Variants in TMEM45A observed in about 807,000 individuals in gnomAD.
TMEM45A encodes DNA polymerase-transactivated protein 4.
A neutral mutation model predicts 32.0 loss-of-function variants in TMEM45A; 25 were observed. That is an observed-to-expected ratio of 0.78 (90% CI 0.57 to 1.09). The LOEUF (loss-of-function observed/expected upper bound fraction) is 1.09. Ranked by LOEUF, TMEM45A falls within the 50% of genes least tolerant of loss-of-function variation. The pLI, the probability that TMEM45A is intolerant of heterozygous loss-of-function variation, is 0.00. For missense variants in TMEM45A, 302 were observed against 325.0 expected (o/e 0.93, Z 0.54); for synonymous variants, 122 against 114.8 (o/e 1.06, Z -0.40).
chr3:100,552,710 C>T (rs2148978715), intron 1 of TMEM45A, among the ~76,000 whole-genome samples: 1 of 152,232 alleles, frequency 6.6e-6, no homozygotes, highest in East Asian at 1.9e-4. Context: ...TTTGAGACAT[C>T]AGAGTAGAGA....
chr3:100,568,691 G>A (rs1706493647), intron 4 of TMEM45A, 131 bp from the exon 5 acceptor site: 2 of 779,572 alleles, frequency 2.6e-6, no homozygotes, highest in Admixed American at 5.9e-5. Flanking sequence ...AAAACCTGAT[G>A]TTTTATCTGT....
chr3:100,515,631 TA>T (rs78493832), intron 1 of TMEM45A, among the ~76,000 whole-genome samples: 38,715 of 134,714 alleles, frequency 0.29, 4,993 homozygotes, highest in Middle Eastern at 0.39. Context: ...AGTATAATAA[TA>T]AAAAAAAAAA....
chr3:100,544,175 G>A (rs979975801), intron 1 of TMEM45A, among the ~76,000 whole-genome samples: 3 of 151,996 alleles, frequency 2.0e-5, no homozygotes, highest in African/African-American at 7.2e-5. Flanking sequence ...GATATGCAGG[G>A]ATGGAGTGGT....
At chr3:100,501,033 A>G (rs1708001861) in intron 1 of TMEM45A, among the ~76,000 whole-genome samples, 1 of 152,246 alleles carries the variant, frequency 6.6e-6, no homozygotes, top group South Asian at 2.1e-4. Flanking sequence ...CACCTACACA[A>G]TATTTTATTA....
At chr3:100,547,682 A>T (rs1013723679) in intron 1 of TMEM45A, among the ~76,000 whole-genome samples, 11 of 152,056 alleles carry the variant, frequency 7.2e-5, no homozygotes, top group Non-Finnish European at 1.2e-4. Flanking sequence ...GTTCAAGCCC[A>T]TATTGTTCAT....
chr3:100,564,905 C>T (rs751694437), intron 4 of TMEM45A, among the ~76,000 whole-genome samples: 1 of 152,184 alleles, frequency 6.6e-6, no homozygotes, highest in Non-Finnish European at 1.5e-5. Flanking sequence ...CCTCGTGGGA[C>T]CACCTTCCAT....
chr3:100,573,432 G>A (rs541259879), intron 5 of TMEM45A: 21 of 152,256 alleles, frequency 1.4e-4, no homozygotes, highest in African/African-American at 3.6e-4. Flanking sequence ...GAATGCTTGC[G>A]ATTTTTGTAC....
At chr3:100,500,294 C>G (rs1218029893) in intron 1 of TMEM45A, among the ~76,000 whole-genome samples, 2 of 152,242 alleles carry the variant, frequency 1.3e-5, no homozygotes, top group Admixed American at 6.5e-5. Flanking sequence ...ACATCTCAGT[C>G]TGTCCACTGA....
chr3:100,493,121 T>C (rs78669257), intron 1 of TMEM45A, among the ~76,000 whole-genome samples, 193 bp downstream of exon 1: 2 of 35,700 alleles, frequency 5.6e-5, no homozygotes, highest in African/African-American at 2.2e-4. Context: ...TTTGCTATTC[T>C]TTTTTTTTTT....
intron 1 of TMEM45A, among the ~76,000 whole-genome samples, chr3:100,502,620 C>A (rs1280034459): frequency 6.6e-6 from 1 of 152,108 alleles, no homozygotes; most frequent in Non-Finnish European, 1.5e-5. Flanking sequence ...GTGTGTGCCA[C>A]TGTGCCCAGC....
intron 1 of TMEM45A, among the ~76,000 whole-genome samples, chr3:100,549,666 A>C (rs1184875775): frequency 6.6e-6 from 1 of 152,218 alleles, no homozygotes; most frequent in African/African-American, 2.4e-5. Flanking sequence ...CAAAGGAGGA[A>C]GAGTGGGCAG....
At chr3:100,493,120 C>CTTTTTTTTTT (rs570241165) in intron 1 of TMEM45A, among the ~76,000 whole-genome samples, 192 bp downstream of exon 1, 2 of 115,918 alleles carry the variant, frequency 1.7e-5, no homozygotes, top group African/African-American at 3.4e-5. Context: ...GTTTGCTATT[C>CTTTTTTTTTT]TTTTTTTTTT....
chr3:100,539,444 T>TGCATATGCATATGC (rs758012242), intron 1 of TMEM45A, among the ~76,000 whole-genome samples: 2 of 90,562 alleles, frequency 2.2e-5, no homozygotes, highest in Non-Finnish European at 5.4e-5. Flanking sequence ...TATGTATATG[T>TGCATATGCATATGC]ATATGTATAT....
intron 1 of TMEM45A, among the ~76,000 whole-genome samples, chr3:100,505,634 G>T (rs1708068980): frequency 6.6e-6 from 1 of 152,188 alleles, no homozygotes; most frequent in Non-Finnish European, 1.5e-5. Flanking sequence ...GGTATTGAGT[G>T]CAAAGAGTTT....
In TMEM45A at chr3:100,519,549, C is replaced by T. The variant is rs932778204; in HGVS notation, c.-4+26621C>T. Reference sequence around the variant, plus strand: ...CTGCCACAGTTCTAACGTGCCTGATCTACTGAGACCAAGGATGACCAATGA... The same window carrying T: ...CTGCCACAGTTCTAACGTGCCTGATTTACTGAGACCAAGGATGACCAATGA... On this transcript the variant is annotated intron_variant, in intron 1 of 5. Transcript: ENST00000323523. 3.2e-6 allele frequency: 5 copies of T among 1,550,780 alleles called. No homozygotes were observed. The African/African-American group carries it at 6.8e-5, about 21-fold the overall frequency.
At chr3:100,512,817 C>A (rs1463684133) in intron 1 of TMEM45A, among the ~76,000 whole-genome samples, 2 of 151,662 alleles carry the variant, frequency 1.3e-5, no homozygotes, top group African/African-American at 2.4e-5. Context: ...CACAGAAATA[C>A]AAACTACCAT....
intron 5 of TMEM45A, chr3:100,572,780 A>T (rs1706593600): frequency 1.3e-5 from 2 of 150,318 alleles, no homozygotes; most frequent in Admixed American, 1.3e-4. Flanking sequence ...TTTTTGTATA[A>T]GGTGTAAGGA....
At chr3:100,543,848 T>C (rs369415082) in intron 1 of TMEM45A, among the ~76,000 whole-genome samples, 11 of 152,224 alleles carry the variant, frequency 7.2e-5, no homozygotes, top group African/African-American at 2.7e-4. Context: ...TGGGTATGAA[T>C]CCCGGTTCCG....
intron 1 of TMEM45A, among the ~76,000 whole-genome samples, chr3:100,517,974 A>C (rs1023396428): frequency 2.0e-5 from 3 of 152,144 alleles, no homozygotes; most frequent in Non-Finnish European, 4.4e-5. Flanking sequence ...ACGTTTCTAA[A>C]ATTAACTTAT....
Sources: gnomAD v4.1 joint callset for allele counts (sites outside exome capture counted in the v4.1 genomes callset) on GRCh38, gnomAD v4.1.1 for gene constraint, MANE v1.5 for transcripts, NCBI Gene and HGNC (gene_info 2026-07-23, HGNC 2026-07-21) for gene names.